Variants in ATRN observed in about 807,000 individuals in gnomAD.
The protein encoded by ATRN is attractin.
In ATRN, 54 loss-of-function variants were observed where a neutral mutation model predicts 178.7. The observed-to-expected ratio is 0.30, with a 90% confidence interval of 0.24 to 0.38. ATRN has a LOEUF of 0.38. Among genes scored for constraint, ATRN ranks in the 10% least tolerant of loss-of-function variants. ATRN has a pLI of 1.00. For missense variants in ATRN, 1,443 were observed against 1,815.1 expected (o/e 0.79, Z 3.73); for synonymous variants, 636 against 663.0 (o/e 0.96, Z 0.63).
chr20:3,536,203 A>AT (rs951757110), intron 2 of ATRN, among the ~76,000 whole-genome samples: 2 of 151,578 alleles, frequency 1.3e-5, no homozygotes, highest in African/African-American at 4.8e-5. Flanking sequence ...AAGTTTATTT[A>AT]TTATTTATTT....
At chr20:3,475,158 T>C (rs921651123) in intron 1 of ATRN, among the ~76,000 whole-genome samples, 7 of 152,156 alleles carry the variant, frequency 4.6e-5, no homozygotes, top group African/African-American at 1.7e-4. Flanking sequence ...TTAAAAGACA[T>C]TAAATGAATA....
In ATRN at chr20:3,526,949, A is replaced by C. The variant is rs238701; in HGVS notation, c.411-8304A>C. On this transcript the variant is annotated intron_variant, in intron 1 of 28. Transcript: ENST00000262919. The stretch of plus-strand genomic sequence containing the variant: ...TTAATTGAAGATGGATTAAAGACTT[A>C]AACGTAAGACCTAAAACCATAAAAA... Among the ~76,000 whole-genome samples, 555 of 152,338 alleles carry C rather than the reference A, an allele frequency of 3.6e-3. 2 individuals are homozygous for C. Among genetic ancestry groups the C allele is most frequent in the Middle Eastern group, 0.01 (3 of 294 alleles).
chr20:3,474,005 A>G (rs2084473752), intron 1 of ATRN, among the ~76,000 whole-genome samples: 1 of 152,200 alleles, frequency 6.6e-6, no homozygotes, highest in Non-Finnish European at 1.5e-5. Flanking sequence ...ACACAGGGAC[A>G]CAGGAGCAGG....
intron 2 of ATRN, among the ~76,000 whole-genome samples, chr20:3,539,803 G>A (rs1349236647): frequency 6.6e-6 from 1 of 151,660 alleles, no homozygotes; most frequent in Non-Finnish European, 1.5e-5. Context: ...GCAGATAACT[G>A]GTTTCCTGTA....
At chr20:3,524,337 A>T (rs1568706368) in intron 1 of ATRN, among the ~76,000 whole-genome samples, 1 of 152,218 alleles carries the variant, frequency 6.6e-6, no homozygotes, top group South Asian at 2.1e-4. Flanking sequence ...CATAATGTTA[A>T]AGAGATCAAT....
chr20:3,546,593 A>G (rs1420012426), intron 4 of ATRN, among the ~76,000 whole-genome samples: 1 of 151,874 alleles, frequency 6.6e-6, no homozygotes, highest in African/African-American at 2.4e-5. Context: ...GGGTTTCACC[A>G]TGTTGGCCAG....
intron 1 of ATRN, among the ~76,000 whole-genome samples, chr20:3,510,505 G>C (rs2085111034): frequency 1.3e-5 from 2 of 152,134 alleles, no homozygotes; most frequent in Admixed American, 1.3e-4. Flanking sequence ...TATTTGTACT[G>C]CCTTTCTTTT....
At chr20:3,477,977 TC>T (rs2084553290) in intron 1 of ATRN, among the ~76,000 whole-genome samples, 1 of 152,206 alleles carries the variant, frequency 6.6e-6, no homozygotes, top group Non-Finnish European at 1.5e-5. Flanking sequence ...TCTTTGTACT[TC>T]CTTATTTGTT....
At chr20:3,624,136 C>T (rs773148816) in intron 24 of ATRN, among the ~76,000 whole-genome samples, 19 of 152,170 alleles carry the variant, frequency 1.2e-4, no homozygotes, top group Admixed American at 6.5e-5. Context: ...GGGCTGCCCA[C>T]CTGGAGGCAG....
chr20:3,612,952 C>T (rs560754653), intron 24 of ATRN, among the ~76,000 whole-genome samples: 2 of 152,234 alleles, frequency 1.3e-5, no homozygotes, highest in African/African-American at 4.8e-5. Context: ...TTTTTTCCTC[C>T]CAGTTCCCTA....
At chr20:3,586,208 G>A (rs1272367892) in intron 18 of ATRN, among the ~76,000 whole-genome samples, 1 of 152,164 alleles carries the variant, frequency 6.6e-6, no homozygotes, top group Non-Finnish European at 1.5e-5. Flanking sequence ...GCAAATGGAT[G>A]AACAAAGTGT....
At chr20:3,539,435 T>C (rs1193959010) in intron 2 of ATRN, among the ~76,000 whole-genome samples, 1 of 152,216 alleles carries the variant, frequency 6.6e-6, no homozygotes, top group Non-Finnish European at 1.5e-5. Flanking sequence ...GATGCAAAAG[T>C]TCCAGATGAG....
intron 1 of ATRN, among the ~76,000 whole-genome samples, chr20:3,511,868 G>C (rs2085133047): frequency 6.6e-6 from 1 of 151,854 alleles, no homozygotes; most frequent in African/African-American, 2.4e-5. Flanking sequence ...GTTTAAGCAT[G>C]GTTAGAACTA....
intron 24 of ATRN, among the ~76,000 whole-genome samples, chr20:3,619,243 T>C (rs2086877611): frequency 6.6e-6 from 1 of 152,234 alleles, no homozygotes; most frequent in African/African-American, 2.4e-5. Flanking sequence ...GACATCTCCA[T>C]GGTAGAAATA....
intron 11 of ATRN, 79 bp from the exon 12 acceptor site, chr20:3,572,652 T>TAAA: frequency 9.7e-6 from 10 of 1,035,880 alleles, no homozygotes; most frequent in Non-Finnish European, 1.3e-5. Flanking sequence ...CCCTGTCTCT[T>TAAA]AAAAAAAAAA....
chr20:3,496,406 T>C (rs969659646), intron 1 of ATRN, among the ~76,000 whole-genome samples: 74 of 152,140 alleles, frequency 4.9e-4, no homozygotes, highest in Non-Finnish European at 7.4e-4. Flanking sequence ...CATTTCGTTA[T>C]GTACCCAGTA....
chr20:3,569,530 G>A (rs983708491), intron 11 of ATRN, among the ~76,000 whole-genome samples: 1 of 152,170 alleles, frequency 6.6e-6, no homozygotes, highest in Non-Finnish European at 1.5e-5. Context: ...GTCTGTGAGT[G>A]AGTAGACTGT....
At chr20:3,549,063 G>C (rs2085748544) in intron 5 of ATRN, 107 bp from the exon 6 acceptor site, 1 of 947,398 alleles carries the variant, frequency 1.1e-6, no homozygotes, top group African/African-American at 1.8e-5. Flanking sequence ...AAATGCTAAA[G>C]GAAAGACTAT....
At chr20:3,580,664 T>C (rs762230795) in intron 15 of ATRN, among the ~76,000 whole-genome samples, 22 of 152,058 alleles carry the variant, frequency 1.4e-4, no homozygotes, top group African/African-American at 2.4e-4. Flanking sequence ...ATCTGTGAGA[T>C]GTAGAGGGAG....
Sources: gnomAD v4.1 joint callset for allele counts (sites outside exome capture counted in the v4.1 genomes callset) on GRCh38, gnomAD v4.1.1 for gene constraint, MANE v1.5 for transcripts, NCBI Gene and HGNC (gene_info 2026-07-23, HGNC 2026-07-21) for gene names.